IL16: variants seen among roughly 807,000 people sequenced by gnomAD.
IL16 encodes the protein interleukin 16, also known as pro-interleukin-16.
Under a neutral mutation model 110.1 loss-of-function variants are expected in IL16, and 67 were observed. That is an observed-to-expected ratio of 0.61 (90% CI 0.50 to 0.75). IL16 has a LOEUF of 0.75. Ranked by LOEUF, IL16 falls within the 30% of genes least tolerant of loss-of-function variation. IL16 has a pLI of 0.00. For missense variants in IL16, 1,545 were observed against 1,655.0 expected (o/e 0.93, Z 1.15); for synonymous variants, 689 against 662.9 (o/e 1.04, Z -0.61).
chr15:81,196,726 G>A (rs1467676503), upstream of IL16, among the ~76,000 whole-genome samples: 1 of 152,222 alleles, frequency 6.6e-6, no homozygotes, highest in Non-Finnish European at 1.5e-5. Context: ...TTGCCTCCTG[G>A]GTGTTGCCGG....
intron 2 of IL16, among the ~76,000 whole-genome samples, chr15:81,254,475 T>A (rs1004163114): frequency 2.6e-5 from 4 of 152,268 alleles, no homozygotes; most frequent in African/African-American, 7.2e-5. Flanking sequence ...ATCCTAACTT[T>A]GGAAAAAATA....
In IL16 at chr15:81,292,872, G is replaced by C. The variant is rs758408398; in HGVS notation, c.1737G>C (p.Leu579=). The C allele has an allele frequency of 1.9e-6, 3 of 1,614,068 alleles. No homozygotes were observed. The highest frequency in any genetic ancestry group is 2.5e-6 in the Non-Finnish European group (3 of 1,180,022). ...AGAGCCGGGACAGCCACCCGCCGCT[G>C]AGACTGAAGAAATCCTTTGAGATTT... ...LPESRDSHPP[L]RLKKSFEILV... is the part of the protein sequence containing the mutation. The change falls in exon 12 of 19, where the codon CTG becomes CTC. Residue 579 remains leucine, a synonymous_variant. Coordinates refer to ENST00000683961, the MANE Select transcript of IL16 (RefSeq NM_172217.5).
intron 1 of IL16, among the ~76,000 whole-genome samples, chr15:81,207,276 G>T (rs111257173): frequency 0.14 from 20,564 of 146,740 alleles, 1,882 homozygotes; most frequent in East Asian, 0.39. Flanking sequence ...AAAAAGAAAA[G>T]AAAAAAGAAA....
In IL16 at chr15:81,292,910, C is replaced by T; in HGVS notation, c.1775C>T (p.Pro592Leu). ...TCCTTTGAGATTTTGGTGAGAAAGC[C>T]TATGTCCTCCAAGCCCAAGCCTCCA... ...KKSFEILVRK[P>L]MSSKPKPPPR... Residue 592 changes from proline (P) to leucine (L), a missense_variant, in exon 12 of 19, where the codon CCT becomes CTT. Coordinates refer to ENST00000683961, the MANE Select transcript of IL16 (RefSeq NM_172217.5). 1 of 1,614,218 alleles carries T rather than the reference C, an allele frequency of 6.2e-7. No homozygotes were observed. Among genetic ancestry groups the T allele is most frequent in the Non-Finnish European group, 8.5e-7 (1 of 1,180,040 alleles).
intron 5 of IL16, among the ~76,000 whole-genome samples, chr15:81,272,038 G>T (rs1308658347): frequency 6.6e-6 from 1 of 152,208 alleles, no homozygotes; most frequent in Non-Finnish European, 1.5e-5. Context: ...TGGCATGCTT[G>T]TACGTTGGAC....
Position 81,301,489 on chromosome 15 carries a change from G to A in IL16, c.3295G>A (p.Val1099Ile). 1.9e-6 allele frequency: 3 copies of A among 1,613,300 alleles called. No homozygotes were observed. The highest frequency in any genetic ancestry group is 2.5e-6 in the Non-Finnish European group (3 of 1,179,804). ...ELKKLIEEVK[V>I]LDEATLKQLD... The stretch of plus-strand genomic sequence containing the variant: ...AAAAAAACTCATCGAGGAGGTGAAG[G>A]TTCTGGATGAAGCAACATTAAAGGT... The change falls in exon 15 of 19, where the codon GTT (valine) becomes ATT (isoleucine). Residue 1099 changes from valine to isoleucine, a missense_variant. Physicochemically the swap from Val to Ile is conservative, Grantham distance 29. Transcript: ENST00000683961.
chr15:81,256,295 A>C (rs1897941899), intron 2 of IL16, among the ~76,000 whole-genome samples: 1 of 150,428 alleles, frequency 6.6e-6, no homozygotes, highest in Non-Finnish European at 1.5e-5. Context: ...ACTTACTATG[A>C]TAACACAGGT....
chr15:81,292,713 G>T lies in IL16; in HGVS notation c.1578G>T (p.Gly526=), dbSNP rs1467237566. ...CTGGGTCCCCAGGGGGAAGTCCTGG[G>T]AGTGGCAGTGCTGAGAAGCCGTCCT... ...YMSGSPGGSP[G]SGSAEKPSSD... The change falls in exon 12 of 19, where the codon GGG becomes GGT. Residue 526 remains glycine, a synonymous_variant. Coordinates refer to ENST00000683961, the MANE Select transcript of IL16 (RefSeq NM_172217.5). 1.2e-6 allele frequency: 2 copies of T among 1,614,166 alleles called. No individual in the cohort carries two copies. The highest frequency in any genetic ancestry group is 1.7e-6 in the Non-Finnish European group (2 of 1,180,030).
Position 81,303,534 on chromosome 15 carries a change from G to A in IL16, c.3319-15G>A. On this transcript the variant is annotated splice_polypyrimidine_tract_variant and intron_variant, in intron 15 of 18. Transcript: ENST00000683961. This position sits in a 1 kb window ranked among gnomAD's most constrained non-coding sequence, Gnocchi z 4.1. ...TGCAGTAAAATGTTTTTGAATGTAT[G>A]TATTTCCTCTGCAGCAATTAGACGG... 6.5e-7 allele frequency: 1 copy of A among 1,539,060 alleles called. No homozygotes were observed. The highest frequency in any genetic ancestry group is 2.2e-5 in the East Asian group (1 of 44,526).
chr15:81,247,636 A>G (rs1201096693), intron 2 of IL16, among the ~76,000 whole-genome samples: 1 of 152,058 alleles, frequency 6.6e-6, no homozygotes, highest in South Asian at 2.1e-4. Context: ...CACAAATTTG[A>G]CATTGCTATG....
At position 81,310,916 on chromosome 15, in the gene IL16, C is replaced by G. The variant is rs140102059; in HGVS notation, c.*2118C>G. ...GCATAGATGCAGGTGAGCCCATGGC[C>G]CTCCCAGTACCTCCTGTCTCTGGCC... On this transcript the variant is annotated 3_prime_UTR_variant, in exon 19 of 19. Transcript: ENST00000683961. 1 of 152,302 alleles carries G rather than the reference C, an allele frequency of 6.6e-6. No homozygotes were observed. The highest frequency in any genetic ancestry group is 2.4e-5 in the African/African-American group (1 of 41,518). The allele number at this position is 152,302 out of a possible 1,614,324, so 9.4% of individuals were successfully genotyped here. A position where few individuals can be genotyped will look rare whatever the true frequency, so the allele number is the denominator to read the frequency against.
intron 2 of IL16, among the ~76,000 whole-genome samples, chr15:81,257,574 G>A (rs570004253): frequency 8.4e-4 from 128 of 152,282 alleles, no homozygotes; most frequent in Non-Finnish European, 1.5e-3. Context: ...GGGAATGAGG[G>A]ATTCCAGCAG....
intron 2 of IL16, among the ~76,000 whole-genome samples, chr15:81,249,414 T>A (rs1016780680): frequency 1.1e-4 from 16 of 152,188 alleles, no homozygotes; most frequent in African/African-American, 3.9e-4. Flanking sequence ...TTGGGATTTT[T>A]TTTTTCTGTC....
At chr15:81,193,747 T>C (rs992239549), upstream of IL16, among the ~76,000 whole-genome samples, 1 of 152,140 alleles carries the variant, frequency 6.6e-6, no homozygotes, top group Non-Finnish European at 1.5e-5. Context: ...GACGTGCACT[T>C]TTTGGACATG....
At chr15:81,227,751 G>A (rs900545772) in intron 2 of IL16, among the ~76,000 whole-genome samples, 1 of 151,564 alleles carries the variant, frequency 6.6e-6, no homozygotes, top group Admixed American at 6.6e-5. Flanking sequence ...AGACCAGTGA[G>A]GGGGACTGCA....
chr15:81,308,462 T>C, intron 18 of IL16, 143 bp from the exon 19 acceptor site: 1 of 609,540 alleles, frequency 1.6e-6, no homozygotes, highest in East Asian at 3.0e-5. Flanking sequence ...TGCCTCATTT[T>C]AGAACCACCA....
chr15:81,269,164 G>C (rs546485519), intron 4 of IL16, among the ~76,000 whole-genome samples: 32 of 152,364 alleles, frequency 2.1e-4, no homozygotes, highest in Non-Finnish European at 3.1e-4. Context: ...GTCTTGGATT[G>C]AACATAGTCT....
In IL16 at chr15:81,269,542, C is replaced by G. The variant is rs1403365022; in HGVS notation, c.569C>G (p.Thr190Ser). ...LDCPAGKAAGTSRPTRSLSTA... is the reference protein window; with the variant it reads ...LDCPAGKAAGSSRPTRSLSTA... ...TACTCTGGTTCCTTGTTGCAGGGAACTTCGAGACCAACACGGTCCCTGAGC... is the reference window on the plus strand; with the variant it reads ...TACTCTGGTTCCTTGTTGCAGGGAAGTTCGAGACCAACACGGTCCCTGAGC... Residue 190 changes from threonine (T) to serine (S), a missense_variant, in exon 5 of 19, where the codon ACT (threonine) becomes AGT (serine). Transcript: ENST00000683961. 2.5e-6 allele frequency: 4 copies of G among 1,613,220 alleles called. No individual in the cohort carries two copies. The highest frequency in any genetic ancestry group is 2.5e-6 in the Non-Finnish European group (3 of 1,179,330).
At chr15:81,197,212 G>T (rs1011265310) in intron 1 of IL16, 60 bp downstream of exon 1, 3 of 1,184,126 alleles carry the variant, frequency 2.5e-6, no homozygotes. Context: ...GAGGGAGGAA[G>T]CTGGCCTCTC....
Sources: allele counts gnomAD v4.1 joint callset (sites outside exome capture counted in the v4.1 genomes callset), GRCh38; gene constraint gnomAD v4.1.1; non-coding constraint Gnocchi (gnomAD v3.1); transcripts MANE v1.5; gene names NCBI Gene and HGNC (gene_info 2026-07-23, HGNC 2026-07-21).